The following SCN3A variants were observed in gnomAD, a reference collection of about 807,000 sequenced individuals.
The protein encoded by SCN3A is sodium channel protein type 3 subunit alpha.
SCN3A carries 60 observed loss-of-function variants against 187.6 expected under a neutral mutation model. The observed-to-expected ratio is 0.32, with a 90% confidence interval of 0.26 to 0.40. The LOEUF (loss-of-function observed/expected upper bound fraction) is 0.40, where lower values mean the gene tolerates loss of function less well. SCN3A is among the 10% of genes least tolerant of loss of function. SCN3A has a pLI of 1.00. For missense variants in SCN3A, 1,601 were observed against 2,428.2 expected, an observed-to-expected ratio of 0.66 and a Z score of 7.16; for synonymous variants, 788 against 829.2, an observed-to-expected ratio of 0.95 and a Z score of 0.85.
chr2:165,142,984 T>A lies in SCN3A; in HGVS notation c.1672-1986A>T, dbSNP rs76938379. On this transcript the variant is annotated intron_variant, in intron 12 of 27. Coordinates refer to ENST00000283254, the MANE Select transcript of SCN3A (RefSeq NM_006922.4). ...TCAAGCTGGCCTCGAACTCCCAACC[T>A]CAGGTGATCTGCCCGCCCTGGCCTC... Among the ~76,000 whole-genome samples the A allele has an allele frequency of 5.1e-3, 780 of 152,188 alleles. 2 individuals carry two copies. The highest frequency in any genetic ancestry group is 0.018 in the African/African-American group (745 of 41,516).
At chr2:165,138,708 A>G (rs1297469360) in intron 14 of SCN3A, among the ~76,000 whole-genome samples, 1 of 152,204 alleles carries the variant, frequency 6.6e-6, no homozygotes, top group East Asian at 1.9e-4. Flanking sequence ...TGAAATTTTA[A>G]TGGATGAGGC....
At chr2:165,150,345 T>G (rs1160459377) in intron 11 of SCN3A, among the ~76,000 whole-genome samples, 1 of 152,176 alleles carries the variant, frequency 6.6e-6, no homozygotes, top group Non-Finnish European at 1.5e-5. Context: ...TAGGGAGACT[T>G]AAGCTACACT....
chr2:165,171,583 T>G (rs1172118947), intron 3 of SCN3A, among the ~76,000 whole-genome samples: 1 of 152,070 alleles, frequency 6.6e-6, no homozygotes, highest in African/African-American at 2.4e-5. Flanking sequence ...GATTCCAATA[T>G]GCAATCAAGG....
rs537331559 is a variant in SCN3A at position 165,185,606 on chromosome 2, G to T, written c.-51+945C>A. Among the ~76,000 whole-genome samples, 6 of 152,316 alleles carry T rather than the reference G, an allele frequency of 3.9e-5. No homozygotes were observed. In the South Asian group the frequency reaches 1.2e-3, roughly 32 times the overall value. Reference sequence around the variant, plus strand: ...CAAAGCTGACACACTGAGGGTGGCAGGTCACAGAGACATATTTACCCCTGG... The same window carrying T: ...CAAAGCTGACACACTGAGGGTGGCATGTCACAGAGACATATTTACCCCTGG... On this transcript the variant is annotated intron_variant, in intron 2 of 27. Transcript: ENST00000283254.
At chr2:165,128,255 C>A (rs1687114020) in intron 17 of SCN3A, among the ~76,000 whole-genome samples, 154 bp from the exon 18 acceptor site, 1 of 152,154 alleles carries the variant, frequency 6.6e-6, no homozygotes, top group Non-Finnish European at 1.5e-5. Flanking sequence ...AAGTCACACA[C>A]TCTTTAAAGG....
chr2:165,155,173 G>C (rs974150302), intron 10 of SCN3A, among the ~76,000 whole-genome samples: 13 of 152,130 alleles, frequency 8.5e-5, no homozygotes, highest in Non-Finnish European at 1.9e-4. Flanking sequence ...ACTTCTAAGA[G>C]TCATGAGCAT....
intron 21 of SCN3A, among the ~76,000 whole-genome samples, chr2:165,108,320 G>A (rs899600969): frequency 6.6e-6 from 1 of 151,978 alleles, no homozygotes; most frequent in Non-Finnish European, 1.5e-5. Flanking sequence ...GATCCTAGGG[G>A]TTGCTGGCAA....
Position 165,164,380 on chromosome 2 carries a change from A to G in SCN3A, c.602+12T>C. The G allele has an allele frequency of 2.5e-6, 4 of 1,613,618 alleles. No individual in the cohort carries two copies. The highest frequency in any genetic ancestry group is 3.4e-6 in the Non-Finnish European group (4 of 1,179,710). On this transcript the variant is annotated intron_variant, in intron 6 of 27. Coordinates refer to ENST00000283254, the MANE Select transcript of SCN3A (RefSeq NM_006922.4). ...ACTCCTTTGCGCTTATCAAATTTTC[A>G]AAGTTACTCACGCCATCACAATGAC...
In SCN3A at chr2:165,163,726, C is replaced by G. The variant is rs1253571718; in HGVS notation, c.603-17G>C. ...GTCACATATCTGTAATAGGGGAGTTCACACACAAACACAATAACACACAAG... is the reference window on the plus strand; with the variant it reads ...GTCACATATCTGTAATAGGGGAGTTGACACACAAACACAATAACACACAAG... On this transcript the variant is annotated splice_polypyrimidine_tract_variant and intron_variant, in intron 6 of 27. Transcript: ENST00000283254. The G allele has an allele frequency of 5.0e-6, 8 of 1,613,876 alleles. No homozygotes were observed. The highest frequency in any genetic ancestry group is 6.8e-6 in the Non-Finnish European group (8 of 1,179,946).
intron 9 of SCN3A, among the ~76,000 whole-genome samples, 179 bp downstream of exon 9, chr2:165,162,129 C>T (rs1179055073): frequency 3.9e-5 from 6 of 152,140 alleles, no homozygotes; most frequent in African/African-American, 9.7e-5. Context: ...TTTTTAATTG[C>T]TGTGAGTTTA....
intron 21 of SCN3A, among the ~76,000 whole-genome samples, chr2:165,105,445 C>A (rs1468692601): frequency 6.6e-6 from 1 of 152,134 alleles, no homozygotes; most frequent in Non-Finnish European, 1.5e-5. Flanking sequence ...TTGCTAGCTG[C>A]ACACCTTCCT....
chr2:165,170,636 G>C, intron 3 of SCN3A, 88 bp from the exon 4 acceptor site: 1 of 813,306 alleles, frequency 1.2e-6, no homozygotes, highest in Middle Eastern at 2.7e-4. Flanking sequence ...TTAAAAAATA[G>C]AATTTGTTTG....
At chr2:165,124,485 T>C (rs912467024) in intron 18 of SCN3A, among the ~76,000 whole-genome samples, 11 of 152,200 alleles carry the variant, frequency 7.2e-5, no homozygotes, top group Non-Finnish European at 1.5e-4. Flanking sequence ...ACTTTGTCTC[T>C]AGTTTTCTCT....
Position 165,090,700 on chromosome 2 carries a change from G to T in SCN3A, c.5453C>A (p.Ala1818Asp), listed in dbSNP as rs750426459. Residue 1818 changes from alanine to aspartate, a missense_variant, in exon 28 of 28, where the codon GCT (alanine) becomes GAT (aspartate). Physicochemically the swap from Ala to Asp is moderately radical, Grantham distance 126. Around this residue, in one of 11 missense-constraint regions of SCN3A, gnomAD observed 110 missense variants for 175.9 expected, o/e 0.63. Coordinates refer to ENST00000283254, the MANE Select transcript of SCN3A (RefSeq NM_006922.4). The surrounding 1 kb of genome is among the most constrained non-coding windows in gnomAD (Gnocchi z 4.0). ...TATGAGAAGAGGAGGATCCAGGGCA[G>T]CTGCAAAATCAGAGAGTTTAGAGAA... is the stretch of plus-strand genomic sequence containing the variant. The part of the protein sequence containing the change: ...IEFSKLSDFA[A>D]ALDPPLLIAK... 6.2e-6 allele frequency: 10 copies of T among 1,614,086 alleles called. No homozygotes were observed. Among genetic ancestry groups the T allele is most frequent in the African/African-American group, 1.3e-5 (1 of 75,014 alleles).
At chr2:165,184,327 G>A (rs1691083211) in intron 2 of SCN3A, among the ~76,000 whole-genome samples, 1 of 151,934 alleles carries the variant, frequency 6.6e-6, no homozygotes. Flanking sequence ...CTATATCTCA[G>A]ACACTGTCAT....
At chr2:165,159,242 C>T (rs1159891284) in intron 9 of SCN3A, among the ~76,000 whole-genome samples, 1 of 138,358 alleles carries the variant, frequency 7.2e-6, no homozygotes, top group East Asian at 2.8e-4. Flanking sequence ...GTACTATATA[C>T]TCGTGTGGGG....
intron 2 of SCN3A, among the ~76,000 whole-genome samples, chr2:165,186,291 A>AC (rs201653446): frequency 0.018 from 2,631 of 142,956 alleles, 38 homozygotes; most frequent in Non-Finnish European, 0.026. Flanking sequence ...AACAACAACA[A>AC]AAAAACAAAA....
At chr2:165,119,444 A>G (rs1686542244) in intron 18 of SCN3A, among the ~76,000 whole-genome samples, 1 of 152,214 alleles carries the variant, frequency 6.6e-6, no homozygotes, top group South Asian at 2.1e-4. Flanking sequence ...CACTGGATAC[A>G]TAAAGAACTT....
At position 165,090,052 on chromosome 2, in the gene SCN3A, A is replaced by T. The variant is rs1685001450; in HGVS notation, c.*98T>A. ...ACTATGAGTATTTGTTAAAACAGTC[A>T]GTTTGGCATGGACCTCCTCTTGAAG... On this transcript the variant is annotated 3_prime_UTR_variant, in exon 28 of 28. Coordinates refer to ENST00000283254, the MANE Select transcript of SCN3A (RefSeq NM_006922.4). This position sits in a 1 kb window ranked among gnomAD's most constrained non-coding sequence, Gnocchi z 4.0. 13 of 1,520,318 alleles carry T rather than the reference A, an allele frequency of 8.6e-6. 1 individual carries two copies. In the South Asian group the frequency reaches 1.6e-4, roughly 19 times the overall value. The allele number at this position is 1,520,318 out of a possible 1,614,324, so 94.2% of individuals were successfully genotyped here.
Sources: allele counts gnomAD v4.1 joint callset (sites outside exome capture counted in the v4.1 genomes callset), GRCh38; gene constraint gnomAD v4.1.1; regional missense constraint gnomAD v4.1.1; non-coding constraint Gnocchi (gnomAD v3.1); transcripts MANE v1.5; gene names NCBI Gene and HGNC (gene_info 2026-07-23, HGNC 2026-07-21).